Variants in ADAM12 observed in about 807,000 individuals in gnomAD.
ADAM12 encodes ADAM metallopeptidase domain 12.
ADAM12 carries 70 observed loss-of-function variants against 106.4 expected under a neutral mutation model. The observed-to-expected ratio is 0.66, with a 90% CI of 0.54 to 0.80. ADAM12 has a LOEUF of 0.80. Among genes scored for constraint, ADAM12 ranks in the 30% least tolerant of loss-of-function variants. The probability of loss-of-function intolerance (pLI) is 0.00; values close to 1 mark genes in which losing one functional copy is unlikely to be tolerated. For missense variants in ADAM12, 1,010 were observed against 1,171.9 expected, an observed-to-expected ratio of 0.86 and a Z score of 2.02; for synonymous variants, 420 against 433.5, an observed-to-expected ratio of 0.97 and a Z score of 0.39.
chr10:126,097,363 G>T (rs1185586154), intron 10 of ADAM12, among the ~76,000 whole-genome samples: 1 of 152,114 alleles, frequency 6.6e-6, no homozygotes, highest in African/African-American at 2.4e-5. Context: ...AGTAAGTGGG[G>T]GCAATCCCTC....
chr10:126,349,056 G>A (rs1053957335), intron 1 of ADAM12, among the ~76,000 whole-genome samples: 2 of 152,174 alleles, frequency 1.3e-5, no homozygotes, highest in African/African-American at 4.8e-5. Flanking sequence ...AAGTTAACAT[G>A]AGAATGCTTT....
intron 3 of ADAM12, among the ~76,000 whole-genome samples, chr10:126,258,840 G>A (rs1590696335): frequency 6.6e-6 from 1 of 152,014 alleles, no homozygotes; most frequent in Non-Finnish European, 1.5e-5. Context: ...GCCCATGCCC[G>A]TAAGCACTTC....
Position 126,066,884 on chromosome 10 carries a change from T to C in ADAM12, c.1324-78A>G, listed in dbSNP as rs1453199809. The stretch of plus-strand genomic sequence containing the variant: ...CTGAATGCAAACATCACACCTTAAA[T>C]GGCTGCAAAAAGCAAGAAAGACCAA... On this transcript the variant is annotated intron_variant, in intron 12 of 22. Transcript: ENST00000448723. The surrounding 1 kb of genome is among the most constrained non-coding windows in gnomAD (Gnocchi z 5.1). 1.4e-6 allele frequency: 2 copies of C among 1,407,216 alleles called. No homozygotes were observed. Among genetic ancestry groups the C allele is most frequent in the Non-Finnish European group, 2.0e-6 (2 of 1,005,586 alleles). 87.2% of individuals were successfully genotyped at this position (1,407,216 alleles called of 1,614,324 possible).
rs193008531 is a variant in ADAM12 at position 126,031,152 on chromosome 10, C to G, written c.2529+4994G>C. Among the ~76,000 whole-genome samples, 251 of 152,272 alleles carry G rather than the reference C, an allele frequency of 1.6e-3. 1 individual carries two copies. The highest frequency in any genetic ancestry group is 5.9e-3 in the African/African-American group (244 of 41,544). ...GGGAAAGGGCACAGAAGGACACTCA[C>G]CAGCACCTTTACCAGTTATTAGCCT... On this transcript the variant is annotated intron_variant, in intron 21 of 22. Coordinates refer to ENST00000448723, the MANE Select transcript of ADAM12 (RefSeq NM_001288973.2).
intron 3 of ADAM12, among the ~76,000 whole-genome samples, chr10:126,227,566 C>T (rs999915282): frequency 5.9e-5 from 9 of 152,076 alleles, no homozygotes; most frequent in Non-Finnish European, 1.0e-4. Flanking sequence ...ATTCTCAGTC[C>T]GCACCAGACC....
chr10:126,038,085 G>A (rs1349040286), intron 20 of ADAM12, among the ~76,000 whole-genome samples, 156 bp downstream of exon 20: 1 of 152,212 alleles, frequency 6.6e-6, no homozygotes, highest in Non-Finnish European at 1.5e-5. Context: ...TCTGGCCCCA[G>A]ATCACAGAGA....
intron 3 of ADAM12, among the ~76,000 whole-genome samples, chr10:126,246,015 A>C (rs1046931206): frequency 3.9e-5 from 6 of 152,200 alleles, no homozygotes; most frequent in Non-Finnish European, 7.3e-5. Flanking sequence ...ACCTTTTAAA[A>C]AATGGTGGAG....
intron 14 of ADAM12, among the ~76,000 whole-genome samples, chr10:126,057,403 A>G (rs149060204): frequency 3.0e-5 from 1 of 33,130 alleles, no homozygotes; most frequent in Non-Finnish European, 7.5e-5. Flanking sequence ...AAAAAAACAA[A>G]AAAAAAAAAC....
chr10:126,207,857 T>C (rs866456244), intron 3 of ADAM12, among the ~76,000 whole-genome samples: 56 of 152,182 alleles, frequency 3.7e-4, no homozygotes, highest in Non-Finnish European at 1.6e-4. Flanking sequence ...ATATTGTTGA[T>C]AAGATTACAA....
chr10:126,200,693 T>A (rs546229262), intron 3 of ADAM12, among the ~76,000 whole-genome samples: 87 of 152,252 alleles, frequency 5.7e-4, no homozygotes, highest in Non-Finnish European at 6.5e-4. Flanking sequence ...AAGAGCAACA[T>A]CAGCAGCAAC....
At chr10:126,317,345 G>A (rs11244955) in intron 2 of ADAM12, among the ~76,000 whole-genome samples, 34,295 of 152,110 alleles carry the variant, frequency 0.23, 4,264 homozygotes, top group East Asian at 0.32. Context: ...ACTCTGTTTT[G>A]GGTTTTTGAC....
At chr10:126,129,578 C>T (rs1332577402) in intron 5 of ADAM12, among the ~76,000 whole-genome samples, 1 of 152,132 alleles carries the variant, frequency 6.6e-6, no homozygotes, top group African/African-American at 2.4e-5. Context: ...AATGAGAGCA[C>T]CAAGCCACCA....
rs1321905155 is a variant in ADAM12, at chr10:126,193,919, A to AAAATAAAATG, written c.261-38615_261-38614insCATTTTATTT. 1.3e-3 allele frequency among the ~76,000 whole-genome samples: 159 copies of AAAATAAAATG among 122,108 alleles called. 1 individual carries two copies. The highest frequency in any genetic ancestry group is 5.6e-3 in the African/African-American group (151 of 26,844). 80.1% of individuals were successfully genotyped at this position (122,108 alleles called of 152,430 possible). Reference sequence around the variant, plus strand: ...GAAATAAAATGAAATAAAATAAAATAAAATAAAATAAAATAAAATAAAATA... The same window carrying AAAATAAAATG: ...GAAATAAAATGAAATAAAATAAAATAAAATAAAATGAAATAAAATAAAATAAAATAAAATA... On this transcript the variant is annotated intron_variant, in intron 3 of 22. Coordinates refer to ENST00000448723, the MANE Select transcript of ADAM12 (RefSeq NM_001288973.2).
chr10:126,047,510 G>A (rs1019862215), intron 16 of ADAM12, among the ~76,000 whole-genome samples: 24 of 152,280 alleles, frequency 1.6e-4, no homozygotes, highest in African/African-American at 5.1e-4. Context: ...CATCTTGAAC[G>A]TGGAAAACAA....
chr10:126,194,793 G>A (rs1957566798), intron 3 of ADAM12, among the ~76,000 whole-genome samples: 1 of 152,202 alleles, frequency 6.6e-6, no homozygotes, highest in African/African-American at 2.4e-5. Flanking sequence ...GTATTTGCCT[G>A]TAATCGTACC....
chr10:126,107,249 G>A (rs1267316959), intron 8 of ADAM12, among the ~76,000 whole-genome samples: 1 of 152,094 alleles, frequency 6.6e-6, no homozygotes, highest in African/African-American at 2.4e-5. Flanking sequence ...AAGACTCCCT[G>A]GCCCTGGGAA....
chr10:126,239,988 A>G (rs1958491358), intron 3 of ADAM12, among the ~76,000 whole-genome samples: 1 of 151,994 alleles, frequency 6.6e-6, no homozygotes, highest in Admixed American at 6.6e-5. Flanking sequence ...CTCCTCCTCC[A>G]TCCTTCCGTG....
chr10:126,078,942 C>T (rs1040543585), intron 11 of ADAM12, among the ~76,000 whole-genome samples: 13 of 152,090 alleles, frequency 8.5e-5, no homozygotes, highest in African/African-American at 2.9e-4. Context: ...ATTGATTAAT[C>T]CTCAATGTAC....
intron 4 of ADAM12, among the ~76,000 whole-genome samples, chr10:126,153,483 G>A (rs549645283): frequency 7.2e-5 from 11 of 152,024 alleles, no homozygotes; most frequent in Non-Finnish European, 1.6e-4. Flanking sequence ...GATTAAACAC[G>A]GCTTGTTTCC....
Sources: allele counts gnomAD v4.1 joint callset (sites outside exome capture counted in the v4.1 genomes callset), GRCh38; gene constraint gnomAD v4.1.1; non-coding constraint Gnocchi (gnomAD v3.1); transcripts MANE v1.5; gene names NCBI Gene and HGNC (gene_info 2026-07-23, HGNC 2026-07-21).